FAM114A1: variants seen among roughly 807,000 people sequenced by gnomAD.
FAM114A1 encodes the protein protein NOXP20.
In FAM114A1, 62 loss-of-function variants were observed where a neutral mutation model predicts 64.3. That is an observed-to-expected ratio of 0.96 (90% confidence interval 0.79 to 1.19). The LOEUF (loss-of-function observed/expected upper bound fraction) is 1.19, where lower values mean the gene tolerates loss of function less well. FAM114A1 is among the 50% of genes most tolerant of loss of function. FAM114A1 has a pLI of 0.00. For missense variants in FAM114A1, 645 were observed against 676.3 expected, an observed-to-expected ratio of 0.95 and a Z score of 0.51; for synonymous variants, 254 against 251.1, an observed-to-expected ratio of 1.01 and a Z score of -0.11.
intron 13 of FAM114A1, among the ~76,000 whole-genome samples, chr4:38,940,207 A>G (rs1721480693): frequency 6.6e-6 from 1 of 151,900 alleles, no homozygotes; most frequent in African/African-American, 2.4e-5. Flanking sequence ...TCATTTTTTG[A>G]GCCCCTGCTT....
intron 4 of FAM114A1, among the ~76,000 whole-genome samples, chr4:38,903,097 A>T (rs1053117583): frequency 6.6e-6 from 1 of 152,214 alleles, no homozygotes; most frequent in East Asian, 1.9e-4. Context: ...CCTAACAAAA[A>T]ATTCAGAAAA....
At chr4:38,943,122 G>A (rs1342182373) in intron 14 of FAM114A1, among the ~76,000 whole-genome samples, 1 of 151,314 alleles carries the variant, frequency 6.6e-6, no homozygotes, top group African/African-American at 2.4e-5. Flanking sequence ...GAACCTGGGA[G>A]GCGGAAGTTG....
intron 8 of FAM114A1, among the ~76,000 whole-genome samples, chr4:38,921,967 G>A (rs2109750043): frequency 6.6e-6 from 1 of 152,106 alleles, no homozygotes; most frequent in East Asian, 1.9e-4. Context: ...TTTTGAGATG[G>A]AGTCTCGCTC....
chr4:38,912,081 G>A (rs751233941), intron 7 of FAM114A1, among the ~76,000 whole-genome samples: 5 of 151,762 alleles, frequency 3.3e-5, no homozygotes, highest in Admixed American at 6.6e-5. Context: ...GGCTGGTCCC[G>A]AACTCCTGAC....
chr4:38,876,169 CTT>C (rs1163508013), intron 2 of FAM114A1, among the ~76,000 whole-genome samples: 2 of 69,092 alleles, frequency 2.9e-5, no homozygotes, highest in Middle Eastern at 5.4e-3. Flanking sequence ...ATTCTTTTTT[CTT>C]TTTTTTTTTT....
intron 4 of FAM114A1, among the ~76,000 whole-genome samples, chr4:38,895,055 T>A (rs1270987139): frequency 6.6e-6 from 1 of 152,168 alleles, no homozygotes; most frequent in Non-Finnish European, 1.5e-5. Context: ...AATCCCAAGA[T>A]AATGGCTCAA....
chr4:38,887,831 C>G (rs1715964497), intron 3 of FAM114A1, among the ~76,000 whole-genome samples: 1 of 152,134 alleles, frequency 6.6e-6, no homozygotes, highest in Non-Finnish European at 1.5e-5. Flanking sequence ...GTTTCAGACT[C>G]CAGAGCAATT....
At chr4:38,923,583 G>A (rs185256083) in intron 9 of FAM114A1, among the ~76,000 whole-genome samples, 2 of 152,202 alleles carry the variant, frequency 1.3e-5, no homozygotes, top group Admixed American at 1.3e-4. Flanking sequence ...AATGTTGATG[G>A]TGGGCAAATC....
chr4:38,936,548 A>ATTTTTT (rs761417840), intron 13 of FAM114A1, among the ~76,000 whole-genome samples: 8 of 110,310 alleles, frequency 7.3e-5, no homozygotes, highest in Admixed American at 1.8e-4. Flanking sequence ...AAGAGTTTTC[A>ATTTTTT]TTTTTTTTTT....
intron 4 of FAM114A1, among the ~76,000 whole-genome samples, chr4:38,898,973 A>G (rs1309571333): frequency 3.7e-5 from 4 of 107,396 alleles, no homozygotes; most frequent in Non-Finnish European, 9.2e-5. Context: ...TGTAATATAT[A>G]TGTTATATAT....
At position 38,914,972 on chromosome 4, in the gene FAM114A1, A is replaced by G. The variant is rs1718895039; in HGVS notation, c.844A>G (p.Thr282Ala). The change falls in exon 8 of 15, where the codon ACG becomes GCG. Residue 282 changes from threonine (T) to alanine (A), a missense_variant. By Grantham distance (58) the Thr-to-Ala change is moderately conservative (BLOSUM62 0). Transcript: ENST00000358869. Reference protein sequence around the residue: ...KEKQRLAQQLTMERTAHYGML... With the variant: ...KEKQRLAQQLAMERTAHYGML... ...GAAGCAGAGACTGGCACAGCAGCTC[A>G]CGATGGAGAGAACCGCGCACTACGG... 4.3e-6 allele frequency: 7 copies of G among 1,613,888 alleles called. No homozygotes were observed. Among genetic ancestry groups the G allele is most frequent in the Non-Finnish European group, 5.1e-6 (6 of 1,179,780 alleles).
In FAM114A1 at chr4:38,943,574, C is replaced by G. The variant is rs1392061876; in HGVS notation, c.*17C>G. 6.2e-7 allele frequency: 1 copy of G among 1,610,446 alleles called. No homozygotes were observed. The highest frequency in any genetic ancestry group is 1.3e-5 in the African/African-American group (1 of 74,840). ...CAGCCGTGACCTGGCCAGACTCCAT[C>G]TAGTTAAAGGAGACAGCTGGCCGCC... On this transcript the variant is annotated 3_prime_UTR_variant, in exon 15 of 15. Transcript: ENST00000358869.
intron 8 of FAM114A1, among the ~76,000 whole-genome samples, chr4:38,915,965 A>G (rs1719015509): frequency 6.6e-6 from 1 of 152,164 alleles, no homozygotes; most frequent in African/African-American, 2.4e-5. Context: ...GCCTCCAGAG[A>G]GGGAGGGGCC....
chr4:38,936,797 G>A (rs949942114), intron 13 of FAM114A1, among the ~76,000 whole-genome samples: 3 of 151,372 alleles, frequency 2.0e-5, no homozygotes, highest in South Asian at 2.1e-4. Context: ...GTGATCCACC[G>A]GCCTCGGCCT....
At chr4:38,886,391 A>G (rs969724452) in intron 3 of FAM114A1, among the ~76,000 whole-genome samples, 12 of 150,894 alleles carry the variant, frequency 8.0e-5, no homozygotes, top group Non-Finnish European at 1.3e-4. Flanking sequence ...GGCTGGTCTC[A>G]AACTCCTGAC....
chr4:38,923,654 G>A (rs201421840), intron 9 of FAM114A1, among the ~76,000 whole-genome samples: 4 of 151,978 alleles, frequency 2.6e-5, no homozygotes, highest in East Asian at 3.9e-4. Context: ...GTAAGAGTTC[G>A]GGTATATTTG....
At chr4:38,878,020 G>T in intron 2 of FAM114A1, 51 bp from the exon 3 acceptor site, 26 of 1,396,312 alleles carry the variant, frequency 1.9e-5, no homozygotes, top group Non-Finnish European at 2.3e-5. Context: ...GCTTTGAATT[G>T]AAGCTTAACA....
chr4:38,936,237 C>T (rs1440063531), intron 13 of FAM114A1, among the ~76,000 whole-genome samples: 5 of 151,584 alleles, frequency 3.3e-5, no homozygotes, highest in African/African-American at 7.3e-5. Context: ...GGACTACAGG[C>T]GCCCGCCACC....
At chr4:38,907,755 T>C (rs1235333153) in intron 6 of FAM114A1, among the ~76,000 whole-genome samples, 1 of 152,162 alleles carries the variant, frequency 6.6e-6, no homozygotes, top group Non-Finnish European at 1.5e-5. Flanking sequence ...TAAAATACAA[T>C]TTATATCATT....
Sources: allele counts gnomAD v4.1 joint callset (sites outside exome capture counted in the v4.1 genomes callset), GRCh38; gene constraint gnomAD v4.1.1; transcripts MANE v1.5; gene names NCBI Gene and HGNC (gene_info 2026-07-23, HGNC 2026-07-21).